CAST: variants seen among roughly 807,000 people sequenced by gnomAD.
CAST encodes the protein calpastatin.
A neutral mutation model predicts 119.6 loss-of-function variants in CAST; 76 were observed. The observed-to-expected ratio is 0.64, with a 90% CI of 0.53 to 0.77. The LOEUF (loss-of-function observed/expected upper bound fraction) is 0.77. CAST is among the 30% of genes least tolerant of loss of function. The probability of loss-of-function intolerance (pLI) is 0.00; values close to 1 mark genes in which losing one functional copy is unlikely to be tolerated. For missense variants in CAST, 953 were observed against 946.5 expected, an observed-to-expected ratio of 1.01 and a Z score of -0.09; for synonymous variants, 319 against 331.6, an observed-to-expected ratio of 0.96 and a Z score of 0.41.
chr5:96,456,043 A>G, the CAST span, among the ~76,000 whole-genome samples: 1 of 152,280 alleles, frequency 6.6e-6, no homozygotes, highest in East Asian at 1.9e-4. Context: ...TGGGTATAAC[A>G]TGACAGAATA....
intron 1 of CAST, among the ~76,000 whole-genome samples, chr5:96,637,557 C>T (rs755072067): frequency 5.9e-5 from 9 of 152,134 alleles, no homozygotes; most frequent in Non-Finnish European, 1.3e-4. Flanking sequence ...CCGAAAGTGA[C>T]ATTAAACAGA....
At chr5:96,745,896 G>A (rs975853157) in intron 16 of CAST, among the ~76,000 whole-genome samples, 4 of 152,276 alleles carry the variant, frequency 2.6e-5, no homozygotes, top group Admixed American at 6.5e-5. Flanking sequence ...CAGCTGCCTC[G>A]TTGAGTAAGA....
the CAST span, among the ~76,000 whole-genome samples, chr5:96,220,805 TTTC>T: frequency 2.6e-5 from 4 of 152,202 alleles, no homozygotes. Context: ...TCTGAGAGTC[TTTC>T]TTGAGTTTAG....
At chr5:96,426,431 A>T in the CAST span, among the ~76,000 whole-genome samples, 1 of 152,126 alleles carries the variant, frequency 6.6e-6, no homozygotes, top group Admixed American at 6.5e-5. Context: ...TATCCATGCA[A>T]ATTTGAAACT....
the CAST span, among the ~76,000 whole-genome samples, chr5:96,321,544 A>G: frequency 2.4e-4 from 36 of 152,336 alleles, no homozygotes; most frequent in African/African-American, 7.9e-4. Flanking sequence ...CTTTTCTTCT[A>G]AAAGAGCATT....
At chr5:96,240,119 T>A in the CAST span, among the ~76,000 whole-genome samples, 7 of 152,368 alleles carry the variant, frequency 4.6e-5, no homozygotes, top group South Asian at 1.2e-3. Flanking sequence ...TAATTTATTA[T>A]ACCATAGATT....
the CAST span, among the ~76,000 whole-genome samples, chr5:96,133,652 C>A: frequency 6.6e-6 from 1 of 152,104 alleles, no homozygotes; most frequent in African/African-American, 2.4e-5. Flanking sequence ...ATAATAAAAT[C>A]TTCATTACAA....
chr5:96,728,252 GA>G, intron 6 of CAST: 1 of 152,492 alleles, frequency 6.6e-6, no homozygotes, highest in Non-Finnish European at 1.5e-5. Flanking sequence ...AGGTGAGGGT[GA>G]AAGGTGAGGC....
Position 96,740,065 on chromosome 5 carries a change from G to A in CAST, c.826G>A (p.Glu276Lys), listed in dbSNP as rs746573869. 2 of 1,580,820 alleles carry A rather than the reference G, an allele frequency of 1.3e-6. No homozygotes were observed. Among genetic ancestry groups the A allele is most frequent in the South Asian group, 1.1e-5 (1 of 87,750 alleles). The change falls in exon 12 of 32, where the codon GAA becomes AAA. Residue 276 changes from glutamate to lysine, a missense_variant. Transcript: ENST00000675179. ...TCCAATGAGTTCCACCTACATAGAGGAATTGGGTAAAAGAGAAGTCACAAT... is the reference window on the plus strand; with the variant it reads ...TCCAATGAGTTCCACCTACATAGAGAAATTGGGTAAAAGAGAAGTCACAAT... ...SDPMSSTYIE[E>K]LGKREVTIPP...
chr5:96,047,304 G>T, the CAST span, among the ~76,000 whole-genome samples: 1 of 152,168 alleles, frequency 6.6e-6, no homozygotes, highest in Non-Finnish European at 1.5e-5. Flanking sequence ...TAGTAAGAGA[G>T]ATTTTGCTTT....
chr5:95,985,678 A>C, the CAST span, among the ~76,000 whole-genome samples: 1 of 152,204 alleles, frequency 6.6e-6, no homozygotes, highest in East Asian at 1.9e-4. Flanking sequence ...AGATACAGTC[A>C]GTGATAATTT....
At chr5:96,688,188 T>C (rs1287185980) in intron 2 of CAST, among the ~76,000 whole-genome samples, 1 of 152,238 alleles carries the variant, frequency 6.6e-6, no homozygotes, top group East Asian at 1.9e-4. Context: ...AGGATGTGTG[T>C]GTGTTTTGAG....
At chr5:96,571,809 C>T (rs1746573617) in intron 1 of CAST, among the ~76,000 whole-genome samples, 1 of 152,152 alleles carries the variant, frequency 6.6e-6, no homozygotes, top group Admixed American at 6.5e-5. Context: ...GCATGCTTAT[C>T]CACTTACTTA....
the CAST span, among the ~76,000 whole-genome samples, chr5:96,155,895 T>G: frequency 6.6e-6 from 1 of 152,226 alleles, no homozygotes; most frequent in Non-Finnish European, 1.5e-5. Context: ...AGCCAGGTCT[T>G]GTGCCAGGCC....
chr5:96,586,916 C>T (rs1746870824), intron 1 of CAST, among the ~76,000 whole-genome samples: 1 of 152,128 alleles, frequency 6.6e-6, no homozygotes, highest in Non-Finnish European at 1.5e-5. Flanking sequence ...CCCCATGGAG[C>T]ATTTTTATCT....
chr5:96,624,076 A>G (rs1747669873), intron 1 of CAST, among the ~76,000 whole-genome samples: 1 of 152,224 alleles, frequency 6.6e-6, no homozygotes, highest in Non-Finnish European at 1.5e-5. Flanking sequence ...TGTTCTGCAC[A>G]TCTTTCTAGA....
chr5:96,216,055 A>G, the CAST span, among the ~76,000 whole-genome samples: 1 of 152,022 alleles, frequency 6.6e-6, no homozygotes. Flanking sequence ...TGATCTGCTC[A>G]CCTAAGCCTC....
chr5:96,425,337 C>T, the CAST span, among the ~76,000 whole-genome samples: 129 of 152,328 alleles, frequency 8.5e-4, no homozygotes, highest in African/African-American at 3.0e-3. Flanking sequence ...CAAGTCTAGA[C>T]ATTTGCAATA....
the CAST span, among the ~76,000 whole-genome samples, chr5:96,098,638 T>A: frequency 6.6e-6 from 1 of 152,200 alleles, no homozygotes; most frequent in African/African-American, 2.4e-5. Flanking sequence ...GTTGTAGGTG[T>A]GTGGTCTTAT....
Sources: allele counts gnomAD v4.1 joint callset (sites outside exome capture counted in the v4.1 genomes callset), GRCh38; gene constraint gnomAD v4.1.1; transcripts MANE v1.5; gene names NCBI Gene and HGNC (gene_info 2026-07-23, HGNC 2026-07-21).